Variants in KDM4C observed in about 807,000 individuals in gnomAD.
The protein encoded by KDM4C is lysine demethylase 4C.
A neutral mutation model predicts 129.3 loss-of-function variants in KDM4C; 81 were observed. The ratio of observed to expected loss-of-function variants is 0.63; its 90% CI spans 0.52 to 0.75. The LOEUF is 0.75. Among genes scored for constraint, KDM4C ranks in the 30% least tolerant of loss-of-function variants. The probability of loss-of-function intolerance (pLI) is 0.00; values close to 1 mark genes in which losing one functional copy is unlikely to be tolerated. For missense variants in KDM4C, 1,457 were observed against 1,304.0 expected (o/e 1.12, Z -1.81); for synonymous variants, 573 against 456.1 (o/e 1.26, Z -3.26).
At chr9:6,864,372 C>G (rs1841536515) in intron 5 of KDM4C, among the ~76,000 whole-genome samples, 1 of 152,228 alleles carries the variant, frequency 6.6e-6, no homozygotes, top group Non-Finnish European at 1.5e-5. Context: ...TGTTGCCAGG[C>G]CAGTTAGATA....
intron 17 of KDM4C, among the ~76,000 whole-genome samples, chr9:7,052,624 C>T (rs1394541248): frequency 6.6e-6 from 1 of 152,116 alleles, no homozygotes; most frequent in African/African-American, 2.4e-5. Flanking sequence ...CAGCAGTACT[C>T]CAGAGAGCCT....
chr9:6,793,176 CTTTAA>C, intron 2 of KDM4C, 44 bp downstream of exon 2: 2 of 1,585,298 alleles, frequency 1.3e-6, no homozygotes, highest in Non-Finnish European at 1.7e-6. Flanking sequence ...ATCACTTGGC[CTTTAA>C]TTTATGTTCT....
chr9:6,761,639 G>T (rs929936611), intron 1 of KDM4C, among the ~76,000 whole-genome samples: 1 of 152,074 alleles, frequency 6.6e-6, no homozygotes, highest in African/African-American at 2.4e-5. Flanking sequence ...CTTCCTGTTA[G>T]CACAGTCTTT....
At chr9:7,156,019 T>G (rs904291540) in intron 19 of KDM4C, among the ~76,000 whole-genome samples, 2 of 152,218 alleles carry the variant, frequency 1.3e-5, no homozygotes, top group African/African-American at 4.8e-5. Context: ...CTCCAGCATC[T>G]GTTGTTTCCT....
intron 1 of KDM4C, among the ~76,000 whole-genome samples, chr9:6,725,235 G>T: frequency 6.6e-6 from 1 of 152,080 alleles, no homozygotes; most frequent in Non-Finnish European, 1.5e-5. Flanking sequence ...GGGGTAGAGC[G>T]CAGTGTGTTT....
chr9:7,013,368 A>C (rs989242664), intron 13 of KDM4C, among the ~76,000 whole-genome samples: 2 of 152,146 alleles, frequency 1.3e-5, no homozygotes, highest in African/African-American at 2.4e-5. Context: ...AAATTCTTAA[A>C]GCCTCTCTTA....
At chr9:6,804,012 C>G (rs949346123) in intron 2 of KDM4C, among the ~76,000 whole-genome samples, 7 of 152,002 alleles carry the variant, frequency 4.6e-5, no homozygotes, top group Admixed American at 4.6e-4. Flanking sequence ...TAGTGGAGAT[C>G]AGGTTTTACC....
intron 2 of KDM4C, among the ~76,000 whole-genome samples, chr9:6,801,949 CA>C (rs1564040358): frequency 6.6e-6 from 1 of 151,606 alleles, no homozygotes; most frequent in Non-Finnish European, 1.5e-5. Flanking sequence ...TACAAAAATA[CA>C]AAAAATTATC....
At chr9:6,809,437 A>G (rs979669898) in intron 3 of KDM4C, among the ~76,000 whole-genome samples, 3 of 152,186 alleles carry the variant, frequency 2.0e-5, no homozygotes, top group African/African-American at 7.2e-5. Context: ...TGTTAATTGA[A>G]TAGGTTAGGT....
intron 19 of KDM4C, among the ~76,000 whole-genome samples, chr9:7,136,344 C>G (rs1329657646): frequency 6.6e-6 from 1 of 152,120 alleles, no homozygotes; most frequent in East Asian, 1.9e-4. Flanking sequence ...TGGGTAAAGA[C>G]TTAGGAGTGA....
At chr9:6,779,067 C>G (rs1450738511) in intron 1 of KDM4C, among the ~76,000 whole-genome samples, 2 of 127,970 alleles carry the variant, frequency 1.6e-5, no homozygotes, top group African/African-American at 3.3e-5. Context: ...CTCGCTCTGT[C>G]GCCCAGGCTG....
chr9:7,144,669 T>C (rs1197107158), intron 19 of KDM4C, among the ~76,000 whole-genome samples: 1 of 152,224 alleles, frequency 6.6e-6, no homozygotes, highest in Non-Finnish European at 1.5e-5. Flanking sequence ...TCTTTCCCCT[T>C]TCCCGGATTC....
intron 21 of KDM4C, among the ~76,000 whole-genome samples, chr9:7,174,162 G>C (rs1310127799): frequency 6.6e-6 from 1 of 152,218 alleles, no homozygotes; most frequent in Non-Finnish European, 1.5e-5. Flanking sequence ...CATTCAGCAA[G>C]AACAGTTTCA....
At chr9:6,926,171 C>G (rs1321554607) in intron 8 of KDM4C, among the ~76,000 whole-genome samples, 2 of 151,876 alleles carry the variant, frequency 1.3e-5, no homozygotes, top group African/African-American at 4.8e-5. Context: ...AGTTTGGCGT[C>G]AAGGGGCTGT....
At chr9:6,907,450 G>C (rs1818514684) in intron 8 of KDM4C, among the ~76,000 whole-genome samples, 1 of 152,090 alleles carries the variant, frequency 6.6e-6, no homozygotes, top group Non-Finnish European at 1.5e-5. Context: ...GTTTTCAGTA[G>C]TATCTGTACA....
intron 18 of KDM4C, among the ~76,000 whole-genome samples, chr9:7,115,936 G>C (rs7872625): frequency 0.45 from 68,049 of 151,874 alleles, 15,543 homozygotes; most frequent in East Asian, 0.74. Flanking sequence ...CTTCACCATT[G>C]CCAGTCAGAA....
chr9:6,799,589 C>T (rs190615409), intron 2 of KDM4C, among the ~76,000 whole-genome samples: 20 of 134,742 alleles, frequency 1.5e-4, no homozygotes, highest in East Asian at 3.9e-4. Context: ...AGAGGGAGAC[C>T]GTGGAAAGGG....
At chr9:6,858,288 T>G (rs1305003239) in intron 5 of KDM4C, among the ~76,000 whole-genome samples, 2 of 152,072 alleles carry the variant, frequency 1.3e-5, no homozygotes, top group Non-Finnish European at 2.9e-5. Context: ...AGTAAGGGCG[T>G]GTAAATTCCC....
chr9:6,910,216 C>T (rs1324799120), intron 8 of KDM4C, among the ~76,000 whole-genome samples: 1 of 151,972 alleles, frequency 6.6e-6, no homozygotes, highest in Non-Finnish European at 1.5e-5. Flanking sequence ...CGTTTTTGGG[C>T]AAGTTTGAGA....
Sources: allele counts gnomAD v4.1 joint callset (sites outside exome capture counted in the v4.1 genomes callset), GRCh38; gene constraint gnomAD v4.1.1; transcripts MANE v1.5; gene names NCBI Gene and HGNC (gene_info 2026-07-23, HGNC 2026-07-21).